The following TRPM6 variants were observed in gnomAD, a reference collection of about 807,000 sequenced individuals.
TRPM6 encodes transient receptor potential cation channel subfamily M member 6, also known as channel kinase 2.
TRPM6 carries 111 observed loss-of-function variants against 247.6 expected under a neutral mutation model. The observed-to-expected ratio is 0.45, with a 90% CI of 0.38 to 0.52. The LOEUF is 0.52. Ranked by LOEUF, TRPM6 falls within the 20% of genes least tolerant of loss-of-function variation. The pLI is 0.00. For missense variants in TRPM6, 2,126 were observed against 2,421.5 expected, an observed-to-expected ratio of 0.88 and a Z score of 2.56; for synonymous variants, 892 against 853.8, an observed-to-expected ratio of 1.04 and a Z score of -0.78.
intron 17 of TRPM6, chr9:74,800,039 C>G (rs1406813692): frequency 3.4e-6 from 2 of 584,344 alleles, no homozygotes; most frequent in Non-Finnish European, 6.1e-6. Flanking sequence ...CTCTGTCGCT[C>G]AGTCGCAGAA....
intron 3 of TRPM6, among the ~76,000 whole-genome samples, chr9:74,853,666 C>T (rs1015911690): frequency 6.6e-6 from 1 of 151,962 alleles, no homozygotes; most frequent in African/African-American, 2.4e-5. Flanking sequence ...GCAGCATGCT[C>T]GTTAAGAGTC....
At chr9:74,841,052 T>A (rs759681565) in intron 4 of TRPM6, among the ~76,000 whole-genome samples, 1 of 152,010 alleles carries the variant, frequency 6.6e-6, no homozygotes, top group East Asian at 1.9e-4. Flanking sequence ...TAATTTATTG[T>A]AAATTTTACC....
chr9:74,866,136 C>T (rs547451365), intron 1 of TRPM6, among the ~76,000 whole-genome samples: 9 of 152,224 alleles, frequency 5.9e-5, no homozygotes, highest in African/African-American at 9.6e-5. Flanking sequence ...CCCGTGTCTA[C>T]GTCCAATAAT....
intron 19 of TRPM6, among the ~76,000 whole-genome samples, chr9:74,789,004 C>T (rs1182157284): frequency 6.6e-6 from 1 of 152,186 alleles, no homozygotes. Flanking sequence ...TCTGCTGGCT[C>T]GTGACTGGCA....
Position 74,728,238 on chromosome 9 carries a change from C to T in TRPM6, c.5935+1G>A. 1 of 1,610,330 alleles carries T rather than the reference C, an allele frequency of 6.2e-7. No homozygotes were observed. Among genetic ancestry groups the T allele is most frequent in the Non-Finnish European group, 8.5e-7 (1 of 1,176,588 alleles). On this transcript the variant is annotated splice_donor_variant, in intron 38 of 38. Transcript: ENST00000360774. LOFTEE classifies it high-confidence loss of function. ...AGAAAAAAGAACTGTTAGTGGCATA[C>T]CCGGGAGTTTGAGCTTCCGGCAGCA...
intron 2 of TRPM6, among the ~76,000 whole-genome samples, chr9:74,856,272 CTT>C (rs1382473536): frequency 6.6e-6 from 1 of 151,924 alleles, no homozygotes; most frequent in African/African-American, 2.4e-5. Context: ...GACCTTGACT[CTT>C]ATAAAAATTC....
intron 25 of TRPM6, among the ~76,000 whole-genome samples, chr9:74,768,873 C>T (rs1826916321): frequency 6.6e-6 from 1 of 152,180 alleles, no homozygotes. Context: ...TTAGAGTAAA[C>T]GGCTCTCCAT....
chr9:74,730,169 G>A (rs1825473636), intron 37 of TRPM6, among the ~76,000 whole-genome samples: 1 of 152,134 alleles, frequency 6.6e-6, no homozygotes, highest in African/African-American at 2.4e-5. Context: ...AAAAGCAGGT[G>A]GTAGCTTGGT....
intron 28 of TRPM6, among the ~76,000 whole-genome samples, chr9:74,754,857 T>A (rs2118808859): frequency 6.6e-6 from 1 of 152,348 alleles, no homozygotes; most frequent in East Asian, 1.9e-4. Context: ...CATTCCTAGC[T>A]GGTTGATCCA....
At chr9:74,763,296 A>G (rs1287864162) in intron 25 of TRPM6, among the ~76,000 whole-genome samples, 162 bp from the exon 26 acceptor site, 1 of 151,846 alleles carries the variant, frequency 6.6e-6, no homozygotes, top group East Asian at 1.9e-4. Flanking sequence ...ATAACTCTCA[A>G]CTCAGGTGAT....
At chr9:74,747,679 C>G (rs1826096085) in intron 31 of TRPM6, among the ~76,000 whole-genome samples, 1 of 152,116 alleles carries the variant, frequency 6.6e-6, no homozygotes, top group African/African-American at 2.4e-5. Flanking sequence ...CAGAAACAGT[C>G]ATTCAAAAAG....
At chr9:74,788,506 C>T in intron 20 of TRPM6, 108 bp downstream of exon 20, 1 of 1,357,806 alleles carries the variant, frequency 7.4e-7, no homozygotes, top group South Asian at 1.2e-5. Flanking sequence ...CTGTCTTCCC[C>T]CACCCTTGAC....
In TRPM6 at chr9:74,827,827, C is replaced by T; in HGVS notation, c.792G>A (p.Lys264=). The part of the protein sequence containing the change: ...GTVGKYGNEM[K]LRRNLEKYLS... ...GGTACTTCTCCAGGTTCCTTCTGAG[C>T]TTCATTTCATTTCCATACTTGCCCA... is the stretch of plus-strand genomic sequence containing the variant. Residue 264 remains lysine, a synonymous_variant, in exon 7 of 39, where the codon AAG becomes AAA. Transcript: ENST00000360774. 6.2e-7 allele frequency: 1 copy of T among 1,614,090 alleles called. No homozygotes were observed. Among genetic ancestry groups the T allele is most frequent in the Non-Finnish European group, 8.5e-7 (1 of 1,180,028 alleles).
intron 6 of TRPM6, 43 bp downstream of exon 6, chr9:74,833,955 C>A: frequency 5.0e-6 from 8 of 1,611,628 alleles, no homozygotes; most frequent in Non-Finnish European, 6.8e-6. Context: ...GCAATTTGCA[C>A]ACGTGTTCGT....
intron 15 of TRPM6, among the ~76,000 whole-genome samples, chr9:74,802,977 C>T (rs1035402555): frequency 1.7e-4 from 26 of 152,154 alleles, no homozygotes; most frequent in Non-Finnish European, 2.2e-4. Flanking sequence ...CCCCACCCAC[C>T]TTCCAAGTTC....
At chr9:74,733,742 G>A (rs1825601615) in intron 36 of TRPM6, among the ~76,000 whole-genome samples, 1 of 151,574 alleles carries the variant, frequency 6.6e-6, no homozygotes, top group African/African-American at 2.4e-5. Flanking sequence ...ACTTTTAGTA[G>A]AGACCAGGTT....
At position 74,755,357 on chromosome 9, in the gene TRPM6, G is replaced by A. The variant is rs1826399019; in HGVS notation, c.4902C>T (p.His1634=). ...KNWFTVSKFS[H]TGVEPYIHQK... Reference sequence around the variant, plus strand: ...AAAATTGTAGATGTTACATACCTGTGTGACTAAATTTGGACACTGTGAACC... The same window carrying A: ...AAAATTGTAGATGTTACATACCTGTATGACTAAATTTGGACACTGTGAACC... The change falls in exon 28 of 39, where the codon CAC becomes CAT. Residue 1634 remains histidine, a synonymous_variant. Coordinates refer to ENST00000360774, the MANE Select transcript of TRPM6 (RefSeq NM_017662.5). The A allele has an allele frequency of 6.2e-7, 1 of 1,614,072 alleles. No individual in the cohort carries two copies. Among genetic ancestry groups the A allele is most frequent in the Non-Finnish European group, 8.5e-7 (1 of 1,179,978 alleles).
intron 1 of TRPM6, among the ~76,000 whole-genome samples, chr9:74,867,319 A>C (rs1830876639): frequency 6.6e-6 from 1 of 152,192 alleles, no homozygotes; most frequent in African/African-American, 2.4e-5. Flanking sequence ...GGACCCTCTG[A>C]AAAGGTCTTA....
intron 23 of TRPM6, among the ~76,000 whole-genome samples, chr9:74,780,705 G>A (rs1009269907): frequency 1.3e-5 from 2 of 152,158 alleles, no homozygotes; most frequent in Non-Finnish European, 2.9e-5. Flanking sequence ...GTAGTGAGAG[G>A]TCATTAAATC....
Sources: allele counts gnomAD v4.1 joint callset (sites outside exome capture counted in the v4.1 genomes callset), GRCh38; gene constraint gnomAD v4.1.1; transcripts MANE v1.5; gene names NCBI Gene and HGNC (gene_info 2026-07-23, HGNC 2026-07-21).